Variants in WWOX observed in about 807,000 individuals in gnomAD.
WWOX encodes the protein WW domain containing oxidoreductase.
Under a neutral mutation model 46.2 loss-of-function variants are expected in WWOX, and 69 were observed. The ratio of observed to expected loss-of-function variants is 1.49; its 90% CI spans 1.23 to 1.82. WWOX has a LOEUF of 1.82. Among genes scored for constraint, WWOX ranks in the 40% most tolerant of loss-of-function variants. The pLI, the probability that WWOX is intolerant of heterozygous loss-of-function variation, is 0.00. For synonymous variants in WWOX, 359 were observed against 202.6 expected (o/e 1.77, Z -6.56); for missense variants, 919 against 542.6 (o/e 1.69, Z -6.89).
intron 8 of WWOX, among the ~76,000 whole-genome samples, chr16:78,789,862 G>T (rs1048526414): frequency 2.0e-5 from 3 of 152,160 alleles, no homozygotes; most frequent in African/African-American, 4.8e-5. Context: ...CCATATGGCA[G>T]CATGGTTAGG....
chr16:79,114,339 A>C (rs760981744), intron 8 of WWOX, among the ~76,000 whole-genome samples: 1 of 147,740 alleles, frequency 6.8e-6, no homozygotes, highest in African/African-American at 2.5e-5. Flanking sequence ...TCTTTATTAG[A>C]GAAAAGAGAG....
chr16:79,109,569 G>A (rs980697730), intron 8 of WWOX, among the ~76,000 whole-genome samples: 1 of 152,236 alleles, frequency 6.6e-6, no homozygotes, highest in Admixed American at 6.5e-5. Flanking sequence ...AAAGTGGAGA[G>A]CAATGTAAGG....
At chr16:79,109,690 C>G (rs1162122025) in intron 8 of WWOX, among the ~76,000 whole-genome samples, 1 of 152,112 alleles carries the variant, frequency 6.6e-6, no homozygotes, top group Non-Finnish European at 1.5e-5. Flanking sequence ...TTATTTATCT[C>G]TAAATTATGA....
intron 8 of WWOX, among the ~76,000 whole-genome samples, chr16:78,759,084 G>A (rs2049728026): frequency 6.6e-6 from 1 of 152,024 alleles, no homozygotes; most frequent in African/African-American, 2.4e-5. Context: ...TTGATTTAAG[G>A]TAGTACAAGT....
At chr16:78,924,006 G>A (rs749048432) in intron 8 of WWOX, among the ~76,000 whole-genome samples, 110 of 151,632 alleles carry the variant, frequency 7.3e-4, no homozygotes, top group Middle Eastern at 3.2e-3. Flanking sequence ...TAGTAGAGAC[G>A]GGGTTTCACC....
chr16:78,261,679 A>C (rs1484217222), intron 5 of WWOX, among the ~76,000 whole-genome samples: 1 of 149,202 alleles, frequency 6.7e-6, no homozygotes, highest in East Asian at 1.9e-4. Context: ...TCTCAGCTTG[A>C]GGCTCCACTT....
chr16:78,122,396 C>G lies in WWOX; in HGVS notation c.409+7242C>G, dbSNP rs1265199463. On this transcript the variant is annotated intron_variant, in intron 4 of 8. Coordinates refer to ENST00000566780, the MANE Select transcript of WWOX (RefSeq NM_016373.4). ...GCATAACAAATGAGAGTCATACAAA[C>G]TATTGTTTAATGACAAAGTGGGTCA... Among the ~76,000 whole-genome samples the G allele has an allele frequency of 3.9e-5, 6 of 152,136 alleles. No homozygotes were observed. The East Asian group carries it at 9.7e-4, about 25-fold the overall frequency.
At chr16:78,891,387 C>A (rs554887407) in intron 8 of WWOX, 1 of 152,214 alleles carries the variant, frequency 6.6e-6, no homozygotes, top group South Asian at 2.1e-4. Flanking sequence ...TAATGAGTTC[C>A]TGTTACCAGG....
intron 8 of WWOX, among the ~76,000 whole-genome samples, chr16:78,740,751 G>C (rs1461616195): frequency 6.6e-6 from 1 of 152,110 alleles, no homozygotes; most frequent in Non-Finnish European, 1.5e-5. Context: ...CCAAATGCAG[G>C]TCCACCCTGG....
At chr16:78,553,605 G>A (rs2044223235) in intron 8 of WWOX, among the ~76,000 whole-genome samples, 1 of 152,142 alleles carries the variant, frequency 6.6e-6, no homozygotes, top group South Asian at 2.1e-4. Flanking sequence ...CAGGTTTTAG[G>A]CAATAATAAG....
At chr16:78,489,777 T>C (rs1374282186) in intron 8 of WWOX, among the ~76,000 whole-genome samples, 1 of 152,108 alleles carries the variant, frequency 6.6e-6, no homozygotes, top group Non-Finnish European at 1.5e-5. Flanking sequence ...CCTCCTAACA[T>C]GTCATCTGAA....
At chr16:78,122,340 T>G (rs2151684667) in intron 4 of WWOX, among the ~76,000 whole-genome samples, 1 of 152,228 alleles carries the variant, frequency 6.6e-6, no homozygotes, top group Middle Eastern at 3.4e-3. Flanking sequence ...TGCATGTAGG[T>G]TTAGATTTTA....
chr16:78,186,774 A>G (rs968415824), intron 5 of WWOX, among the ~76,000 whole-genome samples: 4 of 152,234 alleles, frequency 2.6e-5, no homozygotes, highest in African/African-American at 9.6e-5. Flanking sequence ...CAAAAGAAAA[A>G]TAAATAAAAA....
chr16:79,116,813 G>T (rs2049525486), intron 8 of WWOX, among the ~76,000 whole-genome samples: 1 of 151,862 alleles, frequency 6.6e-6, no homozygotes, highest in Non-Finnish European at 1.5e-5. Context: ...ATCCTTTCTA[G>T]AAGATTTTCA....
At chr16:78,548,000 T>A (rs957383844) in intron 8 of WWOX, among the ~76,000 whole-genome samples, 10 of 151,654 alleles carry the variant, frequency 6.6e-5, no homozygotes. Context: ...AAAAACATTT[T>A]AAAAATTAGC....
At chr16:78,571,727 G>T (rs2044720118) in intron 8 of WWOX, among the ~76,000 whole-genome samples, 1 of 152,062 alleles carries the variant, frequency 6.6e-6, no homozygotes, top group East Asian at 1.9e-4. Context: ...AATTAGCCAG[G>T]CGTGGTGGTA....
intron 8 of WWOX, among the ~76,000 whole-genome samples, chr16:78,676,518 C>T (rs535711831): frequency 6.6e-6 from 1 of 151,804 alleles, no homozygotes; most frequent in Non-Finnish European, 1.5e-5. Context: ...CAGGAAAGCA[C>T]ATTGTTCCAA....
At chr16:78,514,216 A>G (rs2085433845) in intron 8 of WWOX, among the ~76,000 whole-genome samples, 1 of 152,212 alleles carries the variant, frequency 6.6e-6, no homozygotes, top group Admixed American at 6.5e-5. Context: ...CATTCTAAAA[A>G]GAGCAGATTT....
chr16:78,547,356 G>C lies in WWOX; in HGVS notation c.1056+114604G>C, dbSNP rs149587149. On this transcript the variant is annotated intron_variant, in intron 8 of 8. Transcript: ENST00000566780. ...ACAGATGAAAAAAATGAGGGACAGA[G>C]AGGTTAGATGTGTATCTAAGGTCAC... Among the ~76,000 whole-genome samples, 710 of 152,216 alleles carry C rather than the reference G, an allele frequency of 4.7e-3. 9 individuals are homozygous for C. Among genetic ancestry groups the C allele is most frequent in the African/African-American group, 0.016 (684 of 41,522 alleles).
Sources: gnomAD v4.1 joint callset for allele counts (sites outside exome capture counted in the v4.1 genomes callset) on GRCh38, gnomAD v4.1.1 for gene constraint, MANE v1.5 for transcripts, NCBI Gene and HGNC (gene_info 2026-07-23, HGNC 2026-07-21) for gene names.